DDAH1: variants seen among roughly 807,000 people sequenced by gnomAD.
The protein encoded by DDAH1 is dimethylarginine dimethylaminohydrolase 1.
DDAH1 carries 19 observed loss-of-function variants against 28.8 expected under a neutral mutation model. The ratio of observed to expected loss-of-function variants is 0.66; its 90% CI spans 0.46 to 0.97. The LOEUF (loss-of-function observed/expected upper bound fraction) is 0.97, where lower values mean the gene tolerates loss of function less well. Ranked by LOEUF, DDAH1 falls within the 50% of genes least tolerant of loss-of-function variation. DDAH1 has a pLI of 0.00. For synonymous variants in DDAH1, 153 were observed against 154.4 expected, an observed-to-expected ratio of 0.99 and a Z score of 0.07; for missense variants, 326 against 375.9, an observed-to-expected ratio of 0.87 and a Z score of 1.10.
At chr1:85,572,976 G>A (rs1250058317) in intron 1 of DDAH1, among the ~76,000 whole-genome samples, 6 of 152,120 alleles carry the variant, frequency 3.9e-5, no homozygotes, top group Non-Finnish European at 8.8e-5. Flanking sequence ...TATAACTAGA[G>A]TTCTAAAGAA....
intron 1 of DDAH1, among the ~76,000 whole-genome samples, chr1:85,457,482 G>A (rs562684015): frequency 6.6e-6 from 1 of 152,214 alleles, no homozygotes; most frequent in East Asian, 1.9e-4. Context: ...CAGTGGAAGT[G>A]TCTAATTCAT....
chr1:85,542,535 T>C (rs1658499381), intron 1 of DDAH1, among the ~76,000 whole-genome samples: 1 of 152,138 alleles, frequency 6.6e-6, no homozygotes. Context: ...CCCAACACCA[T>C]AAATGGTGAT....
At chr1:85,326,686 T>TA (rs1161824570) in intron 4 of DDAH1, among the ~76,000 whole-genome samples, 1 of 152,270 alleles carries the variant, frequency 6.6e-6, no homozygotes, top group Non-Finnish European at 1.5e-5. Context: ...TTCTTGTATG[T>TA]AATCCTGTTA....
intron 1 of DDAH1, among the ~76,000 whole-genome samples, chr1:85,418,687 T>A (rs2124139): frequency 6.6e-6 from 1 of 152,158 alleles, no homozygotes; most frequent in Non-Finnish European, 1.5e-5. Flanking sequence ...TCTTCGGATG[T>A]TGGAAATGTC....
chr1:85,462,336 G>C (rs1655159591), intron 1 of DDAH1, among the ~76,000 whole-genome samples: 1 of 152,088 alleles, frequency 6.6e-6, no homozygotes, highest in Non-Finnish European at 1.5e-5. Context: ...GTTTATCTAA[G>C]CTCAGTGGGG....
chr1:85,332,147 G>C (rs1026970781), intron 4 of DDAH1, among the ~76,000 whole-genome samples: 1 of 152,222 alleles, frequency 6.6e-6, no homozygotes, highest in Admixed American at 6.5e-5. Context: ...GTTCTGGACA[G>C]ATAGAGAGCC....
chr1:85,474,915 T>C (rs1382531658), intron 2 of DDAH1, among the ~76,000 whole-genome samples: 1 of 152,198 alleles, frequency 6.6e-6, no homozygotes, highest in Non-Finnish European at 1.5e-5. Flanking sequence ...GTTTGAACCC[T>C]GGCTTTGTCA....
intron 1 of DDAH1, among the ~76,000 whole-genome samples, chr1:85,403,386 C>T (rs1652249614): frequency 6.6e-6 from 1 of 152,044 alleles, no homozygotes; most frequent in Non-Finnish European, 1.5e-5. Flanking sequence ...ACACACTGTA[C>T]TTAAAATGTA....
intron 1 of DDAH1, among the ~76,000 whole-genome samples, chr1:85,562,292 A>G (rs749960240): frequency 6.6e-6 from 1 of 152,226 alleles, no homozygotes; most frequent in Non-Finnish European, 1.5e-5. Context: ...TATCATAAAT[A>G]CTTGAGGATA....
chr1:85,560,922 A>G (rs1373588344), intron 1 of DDAH1, among the ~76,000 whole-genome samples: 1 of 152,110 alleles, frequency 6.6e-6, no homozygotes, highest in Non-Finnish European at 1.5e-5. Flanking sequence ...ATTAATGAGC[A>G]TCTTTAACAC....
intron 1 of DDAH1, among the ~76,000 whole-genome samples, chr1:85,402,934 C>A (rs533359861): frequency 6.7e-6 from 1 of 149,840 alleles, no homozygotes; most frequent in East Asian, 2.0e-4. Context: ...AAACTTCTGA[C>A]AATTCTCATT....
intron 1 of DDAH1, among the ~76,000 whole-genome samples, chr1:85,373,477 C>G (rs57416273): frequency 1.3e-5 from 2 of 152,058 alleles, no homozygotes; most frequent in African/African-American, 4.8e-5. Flanking sequence ...ATGCTTTTCT[C>G]GTGACAATGA....
chr1:85,499,189 G>A (rs1656707381), intron 1 of DDAH1, among the ~76,000 whole-genome samples: 1 of 152,062 alleles, frequency 6.6e-6, no homozygotes, highest in South Asian at 2.1e-4. Context: ...AAACAAGTTA[G>A]AAGTAAAAGG....
At chr1:85,354,529 T>A (rs1649388363) in intron 2 of DDAH1, among the ~76,000 whole-genome samples, 1 of 151,834 alleles carries the variant, frequency 6.6e-6, no homozygotes, top group East Asian at 1.9e-4. Context: ...AAATCTCTCC[T>A]CAAGTATTTG....
intron 2 of DDAH1, among the ~76,000 whole-genome samples, chr1:85,487,839 A>T (rs1463707789): frequency 6.6e-6 from 1 of 152,092 alleles, no homozygotes; most frequent in African/African-American, 2.4e-5. Flanking sequence ...ATTGCAGTAC[A>T]CATTGGCACT....
intron 1 of DDAH1, among the ~76,000 whole-genome samples, chr1:85,445,011 C>T (rs189562102): frequency 6.6e-6 from 1 of 152,286 alleles, no homozygotes; most frequent in Admixed American, 6.5e-5. Flanking sequence ...GGGCAGGAAG[C>T]ATCGCGCACA....
chr1:85,374,842 GA>G (rs1327985357), intron 1 of DDAH1, among the ~76,000 whole-genome samples: 2 of 151,838 alleles, frequency 1.3e-5, no homozygotes, highest in African/African-American at 2.4e-5. Flanking sequence ...TAGATTTTCT[GA>G]AAAAAATTAT....
chr1:85,533,783 C>T (rs548118185), intron 1 of DDAH1, among the ~76,000 whole-genome samples: 201 of 152,240 alleles, frequency 1.3e-3, no homozygotes, highest in African/African-American at 4.6e-3. Context: ...GCTAATAAGA[C>T]CTACCTCATA....
chr1:85,352,049 G>C (rs1342959724), intron 2 of DDAH1, among the ~76,000 whole-genome samples: 1 of 152,140 alleles, frequency 6.6e-6, no homozygotes, highest in African/African-American at 2.4e-5. Context: ...CAGAAATTAA[G>C]TAATAGCAAT....
Sources: allele counts gnomAD v4.1 joint callset (sites outside exome capture counted in the v4.1 genomes callset), GRCh38; gene constraint gnomAD v4.1.1; transcripts MANE v1.5; gene names NCBI Gene and HGNC (gene_info 2026-07-23, HGNC 2026-07-21).